The following MBD5 variants were observed in gnomAD, a reference collection of about 807,000 sequenced individuals.
The protein encoded by MBD5 is methyl-CpG binding domain protein 5.
MBD5 carries 13 observed loss-of-function variants against 117.3 expected under a neutral mutation model. That is an observed-to-expected ratio of 0.11 (90% CI 0.07 to 0.18). The LOEUF (loss-of-function observed/expected upper bound fraction) is 0.18. Among genes scored for constraint, MBD5 ranks in the 10% least tolerant of loss-of-function variants. The pLI, the probability that MBD5 is intolerant of heterozygous loss-of-function variation, is 1.00. For synonymous variants in MBD5, 727 were observed against 766.4 expected (o/e 0.95, Z 0.85); for missense variants, 1,879 against 2,093.8 (o/e 0.90, Z 2.00).
chr2:148,099,833 C>T (rs1417097162), intron 1 of MBD5, among the ~76,000 whole-genome samples: 1 of 152,132 alleles, frequency 6.6e-6, no homozygotes, highest in Non-Finnish European at 1.5e-5. Context: ...TCTACTTTTT[C>T]AGTCCATGTA....
At chr2:148,322,676 A>C (rs906745438) in intron 3 of MBD5, among the ~76,000 whole-genome samples, 2 of 152,076 alleles carry the variant, frequency 1.3e-5, no homozygotes, top group Non-Finnish European at 2.9e-5. Context: ...TATTTACGGA[A>C]TTGCTTTTGT....
At chr2:148,386,444 C>T (rs1206176816) in intron 4 of MBD5, among the ~76,000 whole-genome samples, 4 of 152,104 alleles carry the variant, frequency 2.6e-5, no homozygotes, top group South Asian at 2.1e-4. Flanking sequence ...GCCGGCCGGG[C>T]GCGGTGGCTC....
At chr2:148,383,814 G>A (rs34228226) in intron 4 of MBD5, among the ~76,000 whole-genome samples, 78,288 of 151,916 alleles carry the variant, frequency 0.52, 20,400 homozygotes, top group East Asian at 0.75. Flanking sequence ...ACATATGAAA[G>A]TCAATAAACA....
intron 1 of MBD5, among the ~76,000 whole-genome samples, chr2:148,157,944 G>T (rs1238785435): frequency 6.6e-6 from 1 of 152,136 alleles, no homozygotes; most frequent in East Asian, 1.9e-4. Context: ...TTTAGAACTA[G>T]ATAGAGGTGG....
Position 148,468,663 on chromosome 2 carries a change from G to A in MBD5, c.720G>A (p.Arg240=), listed in dbSNP as rs727503997. ...ATGGAGATGGTTCAATCTCTCCAAG[G>A]ACTGACCCACTTGGAAGTCCTGATG... ...QIYGDGSISP[R]TDPLGSPDVF... The change falls in exon 8 of 14, where the codon AGG becomes AGA. Residue 240 remains arginine, a synonymous_variant. Transcript: ENST00000642680. The A allele has an allele frequency of 1.4e-5, 23 of 1,613,728 alleles. No homozygotes were observed. Among genetic ancestry groups the A allele is most frequent in the Admixed American group, 5.0e-5 (3 of 59,966 alleles).
intron 4 of MBD5, chr2:148,447,764 A>G (rs1189324613): frequency 1.3e-5 from 2 of 152,150 alleles, no homozygotes; most frequent in East Asian, 1.9e-4. Flanking sequence ...TAGAATTGTT[A>G]TGTGAAATCT....
At chr2:148,308,491 C>CTTTTT (rs60650324) in intron 3 of MBD5, among the ~76,000 whole-genome samples, 2 of 66,772 alleles carry the variant, frequency 3.0e-5, no homozygotes, top group African/African-American at 9.9e-5. Flanking sequence ...GGGGTTCTTT[C>CTTTTT]TTTTTTTTTT....
At chr2:148,313,776 C>T (rs1702091554) in intron 3 of MBD5, among the ~76,000 whole-genome samples, 1 of 152,136 alleles carries the variant, frequency 6.6e-6, no homozygotes, top group Admixed American at 6.5e-5. Flanking sequence ...GGTGTAGGCA[C>T]CCAAGGGAAT....
chr2:148,360,902 T>C (rs1453139065), intron 4 of MBD5, among the ~76,000 whole-genome samples: 13 of 152,232 alleles, frequency 8.5e-5, no homozygotes, highest in Admixed American at 4.6e-4. Context: ...ATTTTAAAAT[T>C]TTAGCTCAGA....
intron 1 of MBD5, among the ~76,000 whole-genome samples, chr2:148,072,280 A>T (rs1434663814): frequency 6.6e-6 from 1 of 152,180 alleles, no homozygotes; most frequent in East Asian, 1.9e-4. Context: ...GTAAAAATGA[A>T]TCATCATTTA....
chr2:148,225,284 A>G (rs536148239), intron 2 of MBD5, among the ~76,000 whole-genome samples: 18 of 149,880 alleles, frequency 1.2e-4, no homozygotes, highest in African/African-American at 4.1e-4. Context: ...TAAGCTGATA[A>G]CAACTTAACA....
intron 2 of MBD5, among the ~76,000 whole-genome samples, chr2:148,231,389 C>T (rs563103755): frequency 3.4e-4 from 52 of 152,284 alleles, no homozygotes; most frequent in African/African-American, 1.3e-3. Flanking sequence ...GTCTCCAGCA[C>T]ACCAAACACT....
intron 11 of MBD5, chr2:148,490,894 C>A (rs756160380): frequency 3.5e-5 from 14 of 397,844 alleles, no homozygotes; most frequent in African/African-American, 8.2e-5. Flanking sequence ...CTACAGTTAC[C>A]TAGTTCTTCA....
chr2:148,315,113 T>C (rs1402696869), intron 3 of MBD5, among the ~76,000 whole-genome samples: 1 of 152,216 alleles, frequency 6.6e-6, no homozygotes, highest in Non-Finnish European at 1.5e-5. Flanking sequence ...TAAAATTTGG[T>C]CAAAGGAACT....
At chr2:148,324,848 C>T (rs1000118101) in intron 3 of MBD5, among the ~76,000 whole-genome samples, 1 of 152,042 alleles carries the variant, frequency 6.6e-6, no homozygotes, top group African/African-American at 2.4e-5. Context: ...CCTAATTGCC[C>T]TGGCCAGAAC....
chr2:148,269,853 A>G (rs182442074), intron 3 of MBD5, among the ~76,000 whole-genome samples: 51 of 151,976 alleles, frequency 3.4e-4, no homozygotes, highest in African/African-American at 6.3e-4. Context: ...TTTAGAATCA[A>G]TCTTCTCTCT....
At chr2:148,060,515 A>G (rs1234432) in intron 1 of MBD5, among the ~76,000 whole-genome samples, 12,769 of 152,210 alleles carry the variant, frequency 0.084, 604 homozygotes, top group South Asian at 0.14. Context: ...TGATTATTTC[A>G]GGACTTAACT....
At chr2:148,329,982 TA>T (rs1334475437) in intron 3 of MBD5, among the ~76,000 whole-genome samples, 4 of 148,964 alleles carry the variant, frequency 2.7e-5, no homozygotes, top group African/African-American at 9.9e-5. Flanking sequence ...ACATTGAAGA[TA>T]ATACCGATAA....
chr2:148,125,856 G>A (rs1696876193), intron 1 of MBD5, among the ~76,000 whole-genome samples: 1 of 152,056 alleles, frequency 6.6e-6, no homozygotes, highest in African/African-American at 2.4e-5. Flanking sequence ...AAAATGTTTT[G>A]TTTCTAAATA....
Sources: gnomAD v4.1 joint callset for allele counts (sites outside exome capture counted in the v4.1 genomes callset) on GRCh38, gnomAD v4.1.1 for gene constraint, MANE v1.5 for transcripts, NCBI Gene and HGNC (gene_info 2026-07-23, HGNC 2026-07-21) for gene names.